The following BMERB1 variants were observed in gnomAD, a reference collection of about 807,000 sequenced individuals.
The protein encoded by BMERB1 is bMERB domain containing 1.
In BMERB1, 12 loss-of-function variants were observed where a neutral mutation model predicts 23.6. The ratio of observed to expected loss-of-function variants is 0.51; its 90% CI spans 0.33 to 0.82. The LOEUF (loss-of-function observed/expected upper bound fraction) is 0.82. BMERB1 is among the 40% of genes least tolerant of loss of function. The probability of loss-of-function intolerance (pLI) is 0.03; values close to 1 mark genes in which losing one functional copy is unlikely to be tolerated. For synonymous variants in BMERB1, 122 were observed against 96.6 expected, an observed-to-expected ratio of 1.26 and a Z score of -1.54; for missense variants, 247 against 255.4, an observed-to-expected ratio of 0.97 and a Z score of 0.22.
At chr16:15,444,123 GTTTTTTTTTTTTTTTTTTTTT>G (rs150793082) in intron 1 of BMERB1, among the ~76,000 whole-genome samples, 1 of 35,610 alleles carries the variant, frequency 2.8e-5, no homozygotes, top group Non-Finnish European at 4.6e-5. Context: ...CACCAGCTTT[GTTTTTTTTTTTTTTTTTTTTT>G]TTTTTTGGCT....
chr16:15,540,778 C>T (rs1402030915), intron 2 of BMERB1, among the ~76,000 whole-genome samples: 2 of 152,336 alleles, frequency 1.3e-5, no homozygotes, highest in East Asian at 3.9e-4. Flanking sequence ...GAGATGCTTA[C>T]CGGCTGTGTG....
At chr16:15,566,947 C>T (rs1405872907) in intron 2 of BMERB1, among the ~76,000 whole-genome samples, 1 of 151,878 alleles carries the variant, frequency 6.6e-6, no homozygotes. Flanking sequence ...CTTTGAGAGG[C>T]TGAGGTGGGA....
intron 2 of BMERB1, among the ~76,000 whole-genome samples, chr16:15,547,231 T>C (rs1227733096): frequency 6.6e-6 from 1 of 151,868 alleles, no homozygotes; most frequent in Non-Finnish European, 1.5e-5. Context: ...AGGCTGGTCT[T>C]AAACTCCTGA....
At chr16:15,505,671 T>C (rs769825783) in intron 1 of BMERB1, among the ~76,000 whole-genome samples, 1 of 151,926 alleles carries the variant, frequency 6.6e-6, no homozygotes, top group Non-Finnish European at 1.5e-5. Context: ...GGGTGGGTCA[T>C]GAGGTCAGGA....
intron 2 of BMERB1, among the ~76,000 whole-genome samples, chr16:15,527,628 A>C (rs1233364434): frequency 6.6e-6 from 1 of 152,132 alleles, no homozygotes. Context: ...AAAAAAAAAG[A>C]AGTGGAATCA....
intron 1 of BMERB1, among the ~76,000 whole-genome samples, chr16:15,443,827 G>A (rs943268148): frequency 2.6e-5 from 4 of 151,952 alleles, no homozygotes; most frequent in African/African-American, 9.7e-5. Context: ...CCTGAGACAC[G>A]AGAATCGCTT....
intron 1 of BMERB1, among the ~76,000 whole-genome samples, chr16:15,480,499 A>G (rs2051310449): frequency 6.6e-6 from 1 of 151,808 alleles, no homozygotes; most frequent in Non-Finnish European, 1.5e-5. Context: ...CTAATTTGTA[A>G]TATAACCTCT....
At chr16:15,558,536 G>C (rs1477072115) in intron 2 of BMERB1, among the ~76,000 whole-genome samples, 1 of 152,108 alleles carries the variant, frequency 6.6e-6, no homozygotes, top group Non-Finnish European at 1.5e-5. Context: ...CACAGGTTCA[G>C]TTGAAGGGTC....
intron 3 of BMERB1, among the ~76,000 whole-genome samples, chr16:15,579,682 T>C (rs774013681): frequency 2.5e-4 from 38 of 152,144 alleles, no homozygotes; most frequent in Non-Finnish European, 5.3e-4. Flanking sequence ...TTTTTCTCTT[T>C]GGCATCCTAG....
intron 1 of BMERB1, chr16:15,502,160 G>T (rs2150943620): frequency 8.6e-6 from 7 of 809,680 alleles, no homozygotes; most frequent in South Asian, 8.3e-5. Flanking sequence ...CGTGCTGTTG[G>T]TGCGTCCTCC....
chr16:15,454,731 G>A (rs1488854421), intron 1 of BMERB1, among the ~76,000 whole-genome samples: 1 of 151,582 alleles, frequency 6.6e-6, no homozygotes, highest in Non-Finnish European at 1.5e-5. Flanking sequence ...GGCGGAGGTT[G>A]CAGTGAGCCA....
intron 1 of BMERB1, among the ~76,000 whole-genome samples, chr16:15,511,754 G>A (rs1214107590): frequency 6.6e-6 from 1 of 152,086 alleles, no homozygotes; most frequent in Non-Finnish European, 1.5e-5. Flanking sequence ...GCTCGCGCCT[G>A]TAATCCCAGC....
At chr16:15,579,086 CAG>C (rs58952912) in intron 3 of BMERB1, among the ~76,000 whole-genome samples, 9,247 of 152,148 alleles carry the variant, frequency 0.061, 964 homozygotes, top group African/African-American at 0.21. Flanking sequence ...GGCTTGGAGA[CAG>C]AGGTTTGCAG....
chr16:15,488,671 A>AG (rs1029921343), intron 1 of BMERB1, among the ~76,000 whole-genome samples: 2 of 140,182 alleles, frequency 1.4e-5, no homozygotes, highest in African/African-American at 5.7e-5. Flanking sequence ...ATCTCTACTA[A>AG]AAAAAAAAAA....
chr16:15,444,952 T>C (rs10221157), intron 1 of BMERB1, among the ~76,000 whole-genome samples: 1 of 152,202 alleles, frequency 6.6e-6, no homozygotes, highest in Non-Finnish European at 1.5e-5. Flanking sequence ...ATGGGAGTGC[T>C]GTGGCACAAT....
At chr16:15,483,656 A>G (rs577042100) in intron 1 of BMERB1, among the ~76,000 whole-genome samples, 16 of 152,326 alleles carry the variant, frequency 1.1e-4, no homozygotes, top group African/African-American at 3.8e-4. Flanking sequence ...CTAGGATTAC[A>G]GGCATGAGCC....
At chr16:15,523,077 G>T (rs554351270) in intron 2 of BMERB1, among the ~76,000 whole-genome samples, 1 of 152,264 alleles carries the variant, frequency 6.6e-6, no homozygotes, top group South Asian at 2.1e-4. Context: ...GCCAGAAGGG[G>T]ATGGAGTGGG....
intron 1 of BMERB1, among the ~76,000 whole-genome samples, chr16:15,456,930 A>G (rs1231837916): frequency 3.3e-5 from 5 of 152,000 alleles, no homozygotes; most frequent in African/African-American, 7.3e-5. Context: ...GGTTCAAGCA[A>G]TTCTCGTGTC....
chr16:15,454,108 G>T (rs544163319), intron 1 of BMERB1, among the ~76,000 whole-genome samples: 5 of 152,206 alleles, frequency 3.3e-5, no homozygotes, highest in Non-Finnish European at 7.4e-5. Flanking sequence ...ATCACAGGGA[G>T]TTTTTTTCCT....
Sources: gnomAD v4.1 joint callset for allele counts (sites outside exome capture counted in the v4.1 genomes callset) on GRCh38, gnomAD v4.1.1 for gene constraint, MANE v1.5 for transcripts, NCBI Gene and HGNC (gene_info 2026-07-23, HGNC 2026-07-21) for gene names.